The following PKD2L2 variants were observed in gnomAD, a reference collection of about 807,000 sequenced individuals.
PKD2L2 encodes the protein polycystin 2 like 2, transient receptor potential cation channel.
In PKD2L2, 67 loss-of-function variants were observed where a neutral mutation model predicts 83.9. That is an observed-to-expected ratio of 0.80 (90% confidence interval 0.66 to 0.98). The LOEUF (loss-of-function observed/expected upper bound fraction) is 0.98, where lower values mean the gene tolerates loss of function less well. PKD2L2 is among the 50% of genes least tolerant of loss of function. The pLI is 0.00. For synonymous variants in PKD2L2, 223 were observed against 237.8 expected (o/e 0.94, Z 0.57); for missense variants, 632 against 717.2 (o/e 0.88, Z 1.36).
At chr5:137,890,188 C>T in intron 1 of PKD2L2, 1 of 223,592 alleles carries the variant, frequency 4.5e-6, no homozygotes, top group Non-Finnish European at 8.6e-6. Context: ...GAGGCTGAGG[C>T]AGGAGAATCG....
rs767626506 is a variant in PKD2L2, at chr5:137,889,472, C to T, written c.-20C>T. ...CCGCGGCCTCAGGCGAACGAACGGG[C>T]GGTGTAGTGCAGGTCCGCCATGGCT... On this transcript the variant is annotated 5_prime_UTR_variant, in exon 1 of 15. Transcript: ENST00000508883. 5.7e-5 allele frequency: 90 copies of T among 1,580,836 alleles called. No homozygotes were observed. The highest frequency in any genetic ancestry group is 7.3e-5 in the Non-Finnish European group (85 of 1,166,640).
chr5:137,921,621 TTTTC>T lies in PKD2L2; in HGVS notation c.1329-8_1329-5del, dbSNP rs566079206. The T allele has an allele frequency of 3.4e-5, 53 of 1,536,912 alleles. No individual in the cohort carries two copies. The East Asian group carries it at 1.1e-3, about 33-fold the overall frequency. Reference sequence around the variant, plus strand: ...CATAAAGGTATATATTTTCTACTGTTTTTCTTTCTTAAAGATTTGCACAATTTCG... The same window carrying T: ...CATAAAGGTATATATTTTCTACTGTTTTTCTTAAAGATTTGCACAATTTCG... On this transcript the variant is annotated splice_polypyrimidine_tract_variant and intron_variant, in intron 8 of 14. Coordinates refer to ENST00000508883, the MANE Select transcript of PKD2L2 (RefSeq NM_001300921.2).
chr5:137,906,513 CT>C, intron 6 of PKD2L2, 79 bp downstream of exon 6: 1 of 684,618 alleles, frequency 1.5e-6, no homozygotes, highest in Non-Finnish European at 2.4e-6. Flanking sequence ...AAGACAGAAT[CT>C]TCTATTCATC....
intron 8 of PKD2L2, 28 bp from the exon 9 acceptor site, chr5:137,921,608 T>C (rs756151749): frequency 2.1e-6 from 3 of 1,440,594 alleles, no homozygotes; most frequent in South Asian, 1.2e-5. Context: ...TAAAGGTATA[T>C]ATTTTCTACT....
At chr5:137,933,852 T>G in intron 12 of PKD2L2, among the ~76,000 whole-genome samples, 1 of 152,170 alleles carries the variant, frequency 6.6e-6, no homozygotes, top group Non-Finnish European at 1.5e-5. Context: ...AACACATAAA[T>G]AACCACTTCT....
rs1332324927 is a variant in PKD2L2 at position 137,892,723 on chromosome 5, T to C, written c.267+110T>C. ...TTTTGAAGAAATGAATAAAAATAAA[T>C]GTCATTTCTTTAAACTATTAGAAAC... On this transcript the variant is annotated intron_variant, in intron 3 of 14. Transcript: ENST00000508883. 12 of 905,588 alleles carry C rather than the reference T, an allele frequency of 1.3e-5. No homozygotes were observed. In the East Asian group the frequency reaches 2.3e-4, roughly 17 times the overall value. 56.1% of individuals were successfully genotyped at this position (905,588 alleles called of 1,614,324 possible).
chr5:137,939,373 C>T (rs1561717841), intron 14 of PKD2L2: 1 of 152,688 alleles, frequency 6.5e-6, no homozygotes, highest in Non-Finnish European at 1.5e-5. Context: ...AGAGTTCCTA[C>T]ATACTGACAT....
chr5:137,933,054 A>C (rs1299519770), intron 12 of PKD2L2, among the ~76,000 whole-genome samples: 1 of 151,046 alleles, frequency 6.6e-6, no homozygotes, highest in Admixed American at 6.6e-5. Flanking sequence ...ACAAACCAAA[A>C]AAAAAAAAAA....
chr5:137,912,801 CTTTCTTTT>C (rs1385843604), intron 8 of PKD2L2, among the ~76,000 whole-genome samples: 1 of 99,858 alleles, frequency 1.0e-5, no homozygotes, highest in African/African-American at 3.7e-5. Flanking sequence ...TGTTTTCTTT[CTTTCTTTT>C]TTTTTTTTTT....
chr5:137,907,695 G>A (rs756602730), intron 6 of PKD2L2, 47 bp from the exon 7 acceptor site: 2 of 1,125,194 alleles, frequency 1.8e-6, no homozygotes, highest in Admixed American at 2.7e-5. Context: ...AAGATATTTA[G>A]AGGTAGAGAT....
At chr5:137,897,049 T>G (rs1469180430) in intron 4 of PKD2L2, among the ~76,000 whole-genome samples, 1 of 146,584 alleles carries the variant, frequency 6.8e-6, no homozygotes, top group Non-Finnish European at 1.5e-5. Flanking sequence ...TTATTATTAT[T>G]ATTATTATTA....
intron 12 of PKD2L2, among the ~76,000 whole-genome samples, 175 bp from the exon 13 acceptor site, chr5:137,935,622 A>C (rs1399287057): frequency 6.6e-6 from 1 of 152,238 alleles, no homozygotes; most frequent in Non-Finnish European, 1.5e-5. Context: ...CTCTGAAGTG[A>C]CTTTGCTGAT....
intron 8 of PKD2L2, among the ~76,000 whole-genome samples, chr5:137,916,906 C>G (rs1758409059): frequency 1.3e-5 from 2 of 152,064 alleles, no homozygotes; most frequent in African/African-American, 4.8e-5. Context: ...TGTCAAGATT[C>G]TCTGTCTTTG....
rs780576965 is a variant in PKD2L2 at position 137,890,439 on chromosome 5, T to G, written c.32-42T>G. 11 of 1,045,074 alleles carry G rather than the reference T, an allele frequency of 1.1e-5. No homozygotes were observed. The South Asian group carries it at 1.3e-4, about 12-fold the overall frequency. The allele number at this position is 1,045,074 out of a possible 1,614,324, so 64.7% of individuals were successfully genotyped here. ...TTTTCCATTGTTGTCACTTATAAAT[T>G]ACATAATAATGTAAAGAAAAATTTT... On this transcript the variant is annotated intron_variant, in intron 1 of 14. Coordinates refer to ENST00000508883, the MANE Select transcript of PKD2L2 (RefSeq NM_001300921.2).
intron 5 of PKD2L2, among the ~76,000 whole-genome samples, chr5:137,905,713 A>G (rs1033384647): frequency 1.3e-5 from 2 of 152,184 alleles, no homozygotes; most frequent in Non-Finnish European, 2.9e-5. Flanking sequence ...CTTTAGTAGA[A>G]TATGTGACCT....
intron 6 of PKD2L2, among the ~76,000 whole-genome samples, chr5:137,907,375 A>G (rs1487830894): frequency 6.6e-6 from 1 of 152,196 alleles, no homozygotes; most frequent in African/African-American, 2.4e-5. Flanking sequence ...TGTAATTGTA[A>G]ATTGTTTCTT....
At chr5:137,916,485 T>A (rs1210864099) in intron 8 of PKD2L2, among the ~76,000 whole-genome samples, 4 of 144,360 alleles carry the variant, frequency 2.8e-5, no homozygotes, top group African/African-American at 1.0e-4. Flanking sequence ...CTTTTTTTTT[T>A]TTTTTTTTTT....
At chr5:137,908,666 T>C (rs192672648) in intron 7 of PKD2L2, 99 bp from the exon 8 acceptor site, 1 of 617,250 alleles carries the variant, frequency 1.6e-6, no homozygotes, top group Non-Finnish European at 2.7e-6. Flanking sequence ...TCATTAAATA[T>C]CTCCTTTAAT....
intron 12 of PKD2L2, among the ~76,000 whole-genome samples, chr5:137,933,281 A>T (rs1404168327): frequency 6.6e-6 from 1 of 152,190 alleles, no homozygotes; most frequent in African/African-American, 2.4e-5. Context: ...TCTATCCAGT[A>T]AGATCAAACT....
Sources: gnomAD v4.1 joint callset for allele counts (sites outside exome capture counted in the v4.1 genomes callset) on GRCh38, gnomAD v4.1.1 for gene constraint, MANE v1.5 for transcripts, NCBI Gene and HGNC (gene_info 2026-07-23, HGNC 2026-07-21) for gene names.